The following GREB1 variants were observed in gnomAD, a reference collection of about 807,000 sequenced individuals.
GREB1 encodes growth regulating estrogen receptor binding 1.
A neutral mutation model predicts 200.7 loss-of-function variants in GREB1; 106 were observed. That is an observed-to-expected ratio of 0.53 (90% CI 0.45 to 0.62). GREB1 has a LOEUF of 0.62. Among genes scored for constraint, GREB1 ranks in the 20% least tolerant of loss-of-function variants. The pLI is 0.00. For missense variants in GREB1, 2,243 were observed against 2,556.8 expected (o/e 0.88, Z 2.65); for synonymous variants, 1,132 against 1,092.4 (o/e 1.04, Z -0.72).
rs1677651316 is a variant in GREB1 at position 11,566,362 on chromosome 2, GCA to G, written c.278-114_278-113del. 7.5e-6 allele frequency: 7 copies of G among 939,196 alleles called. No individual in the cohort carries two copies. The Admixed American group carries it at 9.4e-5, about 13-fold the overall frequency. 58.2% of individuals were successfully genotyped at this position (939,196 alleles called of 1,614,324 possible). A position where few individuals can be genotyped will look rare whatever the true frequency, so the allele number is the denominator to read the frequency against. Reference sequence around the variant, plus strand: ...CTCTCAGGATTAATTTTGAGGTCAAGCACACCCAGGGGTAAGGGTTTCTCCTG... The same window carrying G: ...CTCTCAGGATTAATTTTGAGGTCAAGCACCCAGGGGTAAGGGTTTCTCCTG... On this transcript the variant is annotated intron_variant, in intron 3 of 32. Transcript: ENST00000381486.
chr2:11,509,924 A>G (rs909196675), intron 1 of GREB1, among the ~76,000 whole-genome samples: 1 of 152,194 alleles, frequency 6.6e-6, no homozygotes. Context: ...ATGGGCTAAG[A>G]CAATTCAATT....
intron 17 of GREB1, among the ~76,000 whole-genome samples, chr2:11,607,578 A>C (rs190111171): frequency 1.5e-5 from 1 of 68,666 alleles, no homozygotes; most frequent in African/African-American, 4.8e-5. Context: ...ATATATACAC[A>C]TATATACATA....
In GREB1 at chr2:11,599,631, C is replaced by T. The variant is rs540581919; in HGVS notation, c.2333+771C>T. Among the ~76,000 whole-genome samples, 21 of 151,942 alleles carry T rather than the reference C, an allele frequency of 1.4e-4. 1 individual carries two copies. In the South Asian group the frequency reaches 3.9e-3, roughly 29 times the overall value. On this transcript the variant is annotated intron_variant, in intron 15 of 32. Coordinates refer to ENST00000381486, the MANE Select transcript of GREB1 (RefSeq NM_014668.4). ...TGCCTCCCGGGTTCACACCATTCTC[C>T]TGCCTCAGCCTCCTGAGTAGCTGGG...
intron 23 of GREB1, among the ~76,000 whole-genome samples, chr2:11,622,272 G>A (rs1684074614): frequency 6.6e-6 from 1 of 150,766 alleles, no homozygotes; most frequent in Non-Finnish European, 1.5e-5. Context: ...GTATAGACAG[G>A]GTTTCACCAT....
intron 25 of GREB1, among the ~76,000 whole-genome samples, chr2:11,628,937 GC>G (rs1684668528): frequency 6.6e-6 from 1 of 152,178 alleles, no homozygotes; most frequent in Admixed American, 6.5e-5. Flanking sequence ...AGGCCGCGTG[GC>G]CCCCTGGCTG....
At chr2:11,536,691 G>A (rs1172986840) in intron 1 of GREB1, among the ~76,000 whole-genome samples, 1 of 152,224 alleles carries the variant, frequency 6.6e-6, no homozygotes, top group African/African-American at 2.4e-5. Flanking sequence ...GAGCCGCACA[G>A]CAGATGGAGT....
intron 1 of GREB1, among the ~76,000 whole-genome samples, chr2:11,538,692 T>TTCCTC (rs1674441449): frequency 2.5e-5 from 2 of 81,100 alleles, no homozygotes; most frequent in African/African-American, 4.1e-5. Flanking sequence ...TTTCTTTCCT[T>TTCCTC]CCTCCCTCCC....
chr2:11,493,177 A>T lies in GREB1; in HGVS notation c.-159+10796A>T, dbSNP rs927195417. ...TGTCCATAGGCTTGTGGAAACTGCG[A>T]CATGAAGGGAAATGAGGTATGTACT... On this transcript the variant is annotated intron_variant, in intron 1 of 2. Transcript: ENST00000628795. This position sits in a 1 kb window ranked among gnomAD's most constrained non-coding sequence, Gnocchi z 4.6. Among the ~76,000 whole-genome samples, 14 of 152,226 alleles carry T rather than the reference A, an allele frequency of 9.2e-5. No homozygotes were observed. Among genetic ancestry groups the T allele is most frequent in the African/African-American group, 3.1e-4 (13 of 41,452 alleles).
intron 1 of GREB1, among the ~76,000 whole-genome samples, chr2:11,525,106 G>A (rs1320805626): frequency 1.3e-5 from 2 of 152,160 alleles, no homozygotes; most frequent in African/African-American, 4.8e-5. Context: ...CATTGTGGTT[G>A]GCTGTGTTAC....
rs192688544 is a variant in GREB1 at position 11,585,767 on chromosome 2, G to T, written c.1021G>T (p.Ala341Ser). The part of the protein sequence containing the change: ...GGGNRAKYES[A>S]GMSCVPQVGL... ...ATATTCTTGGGTGTTCCTAGAGAGC[G>T]CAGGCATGTCCTGCGTGCCGCAGGT... Residue 341 changes from alanine to serine, a missense_variant, in exon 9 of 33, where the codon GCA (alanine) becomes TCA (serine). Physicochemically the swap from Ala to Ser is moderately conservative, Grantham distance 99. This residue lies in a region of GREB1 where 1,178 missense variants were observed against 1,387.4 expected (regional missense o/e 0.85). Coordinates refer to ENST00000381486, the MANE Select transcript of GREB1 (RefSeq NM_014668.4). 154 of 1,612,848 alleles carry T rather than the reference G, an allele frequency of 9.5e-5. No homozygotes were observed. Among genetic ancestry groups the T allele is most frequent in the Admixed American group, 8.0e-4 (48 of 60,012 alleles).
chr2:11,565,442 A>C (rs1473838094), intron 3 of GREB1, among the ~76,000 whole-genome samples: 1 of 152,142 alleles, frequency 6.6e-6, no homozygotes, highest in Non-Finnish European at 1.5e-5. Context: ...CCTCCTGTAG[A>C]GCTCTGCTGG....
chr2:11,528,812 A>G (rs1673971534), intron 1 of GREB1, among the ~76,000 whole-genome samples: 1 of 152,190 alleles, frequency 6.6e-6, no homozygotes, highest in Non-Finnish European at 1.5e-5. Flanking sequence ...TAACCAGACA[A>G]TATTTTTTAG....
chr2:11,614,969 G>A lies in GREB1; in HGVS notation c.3123-122G>A, dbSNP rs1683279777. 4.1e-6 allele frequency: 3 copies of A among 724,850 alleles called. No homozygotes were observed. In the Admixed American group the frequency reaches 6.3e-5, roughly 15 times the overall value. The allele number at this position is 724,850 out of a possible 1,614,324, so 44.9% of individuals were successfully genotyped here. A position where few individuals can be genotyped will look rare whatever the true frequency, so the allele number is the denominator to read the frequency against. On this transcript the variant is annotated intron_variant, in intron 19 of 32. Transcript: ENST00000381486. The stretch of plus-strand genomic sequence containing the variant: ...ACACTGTTGGCTTTTCCACTTGTAC[G>A]AGTCCTTGGGTCCTCACCAGGAAGG...
At chr2:11,636,748 A>T (rs1685349309) in intron 30 of GREB1, among the ~76,000 whole-genome samples, 1 of 144,588 alleles carries the variant, frequency 6.9e-6, no homozygotes, top group African/African-American at 2.5e-5. Context: ...GGGCATGGGC[A>T]TGGGCAGGGG....
intron 3 of GREB1, among the ~76,000 whole-genome samples, chr2:11,566,160 A>C (rs1036823119): frequency 3.4e-4 from 51 of 152,052 alleles, no homozygotes; most frequent in Admixed American, 2.3e-3. Context: ...CTGGGATTGC[A>C]GGTGTGTGCC....
intron 1 of GREB1, chr2:11,540,236 G>A (rs1674626754): frequency 6.6e-6 from 1 of 152,248 alleles, no homozygotes; most frequent in Admixed American, 6.5e-5. Flanking sequence ...TTCTAATAAG[G>A]TGCAGGGGAG....
At chr2:11,617,938 G>A (rs557067269) in intron 21 of GREB1, among the ~76,000 whole-genome samples, 1 of 152,278 alleles carries the variant, frequency 6.6e-6, no homozygotes, top group East Asian at 1.9e-4. Context: ...GATGGAGTCA[G>A]CACTGAGCCT....
chr2:11,585,319 G>C, intron 8 of GREB1, 45 bp downstream of exon 8: 1 of 1,206,426 alleles, frequency 8.3e-7, no homozygotes, highest in Non-Finnish European at 1.2e-6. Context: ...TTGGGTACTG[G>C]TGGTAGTGCT....
At chr2:11,496,731 T>C (rs1260243301) in intron 1 of GREB1, among the ~76,000 whole-genome samples, 1 of 152,258 alleles carries the variant, frequency 6.6e-6, no homozygotes, top group Non-Finnish European at 1.5e-5. Context: ...AGGTCTCATG[T>C]ACCATATACT....
Sources: allele counts gnomAD v4.1 joint callset (sites outside exome capture counted in the v4.1 genomes callset), GRCh38; gene constraint gnomAD v4.1.1; regional missense constraint gnomAD v4.1.1; non-coding constraint Gnocchi (gnomAD v3.1); transcripts MANE v1.5; gene names NCBI Gene and HGNC (gene_info 2026-07-23, HGNC 2026-07-21).